The following MARCHF1 variants were observed in gnomAD, a reference collection of about 807,000 sequenced individuals.
MARCHF1 encodes the protein E3 ubiquitin-protein ligase MARCHF1.
MARCHF1 carries 40 observed loss-of-function variants against 54.2 expected under a neutral mutation model. The observed-to-expected ratio is 0.74, with a 90% CI of 0.57 to 0.96. The LOEUF is 0.96. MARCHF1 is among the 40% of genes least tolerant of loss of function. The pLI, the probability that MARCHF1 is intolerant of heterozygous loss-of-function variation, is 0.00. For missense variants in MARCHF1, 586 were observed against 656.5 expected (o/e 0.89, Z 1.17); for synonymous variants, 236 against 236.3 (o/e 1.00, Z 0.01).
intron 7 of MARCHF1, among the ~76,000 whole-genome samples, chr4:163,592,419 G>T (rs1740620951): frequency 6.6e-6 from 1 of 152,092 alleles, no homozygotes; most frequent in Non-Finnish European, 1.5e-5. Flanking sequence ...AGAGCTGTAG[G>T]GAATGATCAA....
rs992777379 is a variant in MARCHF1 at position 164,298,877 on chromosome 4, T to C, written c.-323+84993A>G. Reference sequence around the variant, plus strand: ...TGGTTAAAGGGAATCAAGGGATAAATAGAAGATAATTCACTTCCTTTTCAT... The same window carrying C: ...TGGTTAAAGGGAATCAAGGGATAAACAGAAGATAATTCACTTCCTTTTCAT... On this transcript the variant is annotated intron_variant, in intron 1 of 9. Coordinates refer to ENST00000514618, the MANE Select transcript of MARCHF1 (RefSeq NM_001394959.1). Among the ~76,000 whole-genome samples, 7 of 152,234 alleles carry C rather than the reference T, an allele frequency of 4.6e-5. 1 individual carries two copies. In the East Asian group the frequency reaches 1.2e-3, roughly 25 times the overall value.
chr4:164,319,635 T>C (rs919482968), intron 1 of MARCHF1, among the ~76,000 whole-genome samples: 28 of 152,158 alleles, frequency 1.8e-4, no homozygotes, highest in Admixed American at 1.8e-3. Context: ...CTGTATCTCA[T>C]GTTTGAAAGA....
chr4:163,640,316 C>T (rs1742508204), intron 5 of MARCHF1, among the ~76,000 whole-genome samples: 2 of 152,090 alleles, frequency 1.3e-5, no homozygotes, highest in South Asian at 4.2e-4. Flanking sequence ...GTTTTATATG[C>T]CCAGTAATAT....
chr4:163,683,139 T>C (rs1273326283), intron 5 of MARCHF1, among the ~76,000 whole-genome samples: 2 of 152,188 alleles, frequency 1.3e-5, no homozygotes, highest in African/African-American at 4.8e-5. Flanking sequence ...TATTAGTCTG[T>C]TTTCACACTG....
chr4:163,618,264 C>T (rs1339811858), intron 5 of MARCHF1, among the ~76,000 whole-genome samples: 3 of 152,180 alleles, frequency 2.0e-5, no homozygotes, highest in Non-Finnish European at 2.9e-5. Flanking sequence ...GTGCCTGTGC[C>T]TATCTGTTTC....
chr4:163,951,797 G>C (rs1217461525), intron 3 of MARCHF1, among the ~76,000 whole-genome samples: 1 of 152,106 alleles, frequency 6.6e-6, no homozygotes. Flanking sequence ...TACGCTCCTG[G>C]TTATAGCTTC....
At chr4:164,254,531 CAT>C (rs1471525182) in intron 1 of MARCHF1, among the ~76,000 whole-genome samples, 3 of 151,144 alleles carry the variant, frequency 2.0e-5, no homozygotes, top group Non-Finnish European at 2.9e-5. Flanking sequence ...AATAAACTCC[CAT>C]ATGTATGAAG....
Position 163,720,341 on chromosome 4 carries a change from T to C in MARCHF1, c.112-19478A>G, listed in dbSNP as rs575615287. ...TTGTCAAAGATCAGATGGTTGTAGA[T>C]GTGTGATATTATTTCTGAGGGCTCT... On this transcript the variant is annotated intron_variant, in intron 4 of 9. Coordinates refer to ENST00000514618, the MANE Select transcript of MARCHF1 (RefSeq NM_001394959.1). Among the ~76,000 whole-genome samples the C allele has an allele frequency of 2.6e-5, 4 of 152,338 alleles. No individual in the cohort carries two copies. The South Asian group carries it at 6.2e-4, about 24-fold the overall frequency.
intron 3 of MARCHF1, among the ~76,000 whole-genome samples, chr4:163,913,563 C>T (rs548299637): frequency 7.9e-5 from 12 of 152,228 alleles, no homozygotes; most frequent in African/African-American, 2.9e-4. Flanking sequence ...AGGAAATTCC[C>T]CTCACCCTCA....
At chr4:164,370,535 G>C (rs1202016477) in intron 1 of MARCHF1, among the ~76,000 whole-genome samples, 1 of 152,212 alleles carries the variant, frequency 6.6e-6, no homozygotes, top group Non-Finnish European at 1.5e-5. Context: ...AGAAGTGCAG[G>C]AGTTGCAGCT....
intron 4 of MARCHF1, among the ~76,000 whole-genome samples, chr4:163,772,398 T>A (rs1207172497): frequency 6.6e-6 from 1 of 152,186 alleles, no homozygotes; most frequent in Admixed American, 6.5e-5. Flanking sequence ...GTCACTGTCA[T>A]GTAGGCGTGA....
chr4:164,170,456 C>A (rs1187433391), intron 1 of MARCHF1, among the ~76,000 whole-genome samples: 1 of 151,964 alleles, frequency 6.6e-6, no homozygotes, highest in Non-Finnish European at 1.5e-5. Context: ...GTTTATTGAG[C>A]CTGCATCAAT....
chr4:163,562,321 CAAAA>C (rs1739497821), intron 8 of MARCHF1, among the ~76,000 whole-genome samples: 5 of 151,742 alleles, frequency 3.3e-5, no homozygotes, highest in African/African-American at 9.7e-5. Flanking sequence ...CAAAACAAAA[CAAAA>C]CAAAACCCAA....
chr4:163,531,421 A>G (rs946404110), intron 9 of MARCHF1, among the ~76,000 whole-genome samples: 2 of 151,864 alleles, frequency 1.3e-5, no homozygotes, highest in African/African-American at 4.8e-5. Flanking sequence ...ACGACGCTCA[A>G]TCATGATAAA....
In MARCHF1 at chr4:164,223,518, G is replaced by A. The variant is rs62348001; in HGVS notation, c.-322-111856C>T. Among the ~76,000 whole-genome samples the A allele has an allele frequency of 1.9e-3, 296 of 152,104 alleles. 3 individuals are homozygous for A. Among genetic ancestry groups the A allele is most frequent in the South Asian group, 3.5e-3 (17 of 4,828 alleles). ...GATTGCCTTCATTCTTCAAGCAATA[G>A]ATATTTATGTGTTCTAAATCCAGTG... On this transcript the variant is annotated intron_variant, in intron 1 of 9. Coordinates refer to ENST00000514618, the MANE Select transcript of MARCHF1 (RefSeq NM_001394959.1).
chr4:164,199,671 C>T (rs373555884), intron 1 of MARCHF1, among the ~76,000 whole-genome samples: 1 of 56,772 alleles, frequency 1.8e-5, no homozygotes, highest in East Asian at 3.2e-4. Flanking sequence ...CACACACACA[C>T]ACACACACAC....
At chr4:163,964,118 C>T (rs998824582) in intron 3 of MARCHF1, among the ~76,000 whole-genome samples, 1 of 151,982 alleles carries the variant, frequency 6.6e-6, no homozygotes, top group East Asian at 1.9e-4. Context: ...CAATCACCTG[C>T]ACCGGTGCTT....
intron 1 of MARCHF1, among the ~76,000 whole-genome samples, chr4:164,202,784 A>T (rs921718982): frequency 2.7e-5 from 4 of 150,818 alleles, no homozygotes; most frequent in African/African-American, 4.8e-5. Context: ...GCCATTTCAT[A>T]AAACATAAAA....
At chr4:164,326,957 TTGTGTGTGTGTGTGTGTGTGTGTGTG>T (rs370504086) in intron 1 of MARCHF1, among the ~76,000 whole-genome samples, 1 of 133,664 alleles carries the variant, frequency 7.5e-6, no homozygotes, top group African/African-American at 2.9e-5. Flanking sequence ...GTTGTAAGGA[TTGTGTGTGTGTGTGTGTGTGTGTGTG>T]TGTGTGTGTG....
Sources: allele counts gnomAD v4.1 joint callset (sites outside exome capture counted in the v4.1 genomes callset), GRCh38; gene constraint gnomAD v4.1.1; transcripts MANE v1.5; gene names NCBI Gene and HGNC (gene_info 2026-07-23, HGNC 2026-07-21).